RAD51B: variants seen among roughly 807,000 people sequenced by gnomAD.
RAD51B encodes DNA repair protein RAD51 homolog 2.
In RAD51B, 38 loss-of-function variants were observed where a neutral mutation model predicts 42.2. The observed-to-expected ratio is 0.90, with a 90% CI of 0.70 to 1.18. RAD51B has a LOEUF of 1.18. Among genes scored for constraint, RAD51B ranks in the 50% most tolerant of loss-of-function variants. RAD51B has a pLI of 0.00. For missense variants in RAD51B, 373 were observed against 400.7 expected, an observed-to-expected ratio of 0.93 and a Z score of 0.59; for synonymous variants, 154 against 145.2, an observed-to-expected ratio of 1.06 and a Z score of -0.43.
intron 7 of RAD51B, among the ~76,000 whole-genome samples, chr14:67,927,565 A>T (rs1246029322): frequency 1.3e-5 from 2 of 152,056 alleles, no homozygotes; most frequent in Non-Finnish European, 2.9e-5. Context: ...TTTAGCTCCC[A>T]CATGTGAATG....
intron 7 of RAD51B, among the ~76,000 whole-genome samples, chr14:67,965,227 A>G (rs2074747182): frequency 6.6e-6 from 1 of 152,162 alleles, no homozygotes; most frequent in African/African-American, 2.4e-5. Context: ...TCTCAGCTGG[A>G]AACCTCACAT....
In RAD51B at chr14:67,933,927, T is replaced by C. The variant is rs1444190511; in HGVS notation, c.756+46723T>C. Among the ~76,000 whole-genome samples the C allele has an allele frequency of 3.9e-5, 6 of 152,342 alleles. No homozygotes were observed. In the South Asian group the frequency reaches 1.2e-3, roughly 32 times the overall value. ...GCCTATACCTTTAATTCTACCAGAATTGAAGTAACAAATTTGTCTACTTTA... is the reference window on the plus strand; with the variant it reads ...GCCTATACCTTTAATTCTACCAGAACTGAAGTAACAAATTTGTCTACTTTA... On this transcript the variant is annotated intron_variant, in intron 7 of 10. Transcript: ENST00000471583.
chr14:68,374,942 T>C (rs182380136), intron 8 of RAD51B, among the ~76,000 whole-genome samples: 1 of 151,744 alleles, frequency 6.6e-6, no homozygotes, highest in East Asian at 1.9e-4. Flanking sequence ...CCGTATCTGA[T>C]GAGCCTCGGC....
intron 10 of RAD51B, among the ~76,000 whole-genome samples, chr14:68,632,070 A>G (rs1227570462): frequency 6.6e-6 from 1 of 152,234 alleles, no homozygotes; most frequent in Non-Finnish European, 1.5e-5. Flanking sequence ...TGCGCCAGGC[A>G]TGACCTAGCA....
intron 9 of RAD51B, among the ~76,000 whole-genome samples, chr14:68,455,825 C>T (rs946544805): frequency 6.6e-6 from 1 of 151,844 alleles, no homozygotes; most frequent in Non-Finnish European, 1.5e-5. Context: ...AAGTCTTTTC[C>T]TCTCCCATCT....
intron 5 of RAD51B, among the ~76,000 whole-genome samples, chr14:67,883,103 C>T (rs1427646317): frequency 1.3e-5 from 2 of 152,190 alleles, no homozygotes; most frequent in Non-Finnish European, 2.9e-5. Context: ...CTTCTCATCA[C>T]TTGACCTGTT....
At chr14:68,613,879 G>A (rs1891771395), downstream of RAD51B, among the ~76,000 whole-genome samples, 1 of 152,210 alleles carries the variant, frequency 6.6e-6, no homozygotes, top group South Asian at 2.1e-4. Context: ...GATTTTTGGA[G>A]TCAGAGAGGT....
At chr14:68,322,251 T>C (rs1956528) in intron 8 of RAD51B, among the ~76,000 whole-genome samples, 80,014 of 152,058 alleles carry the variant, frequency 0.53, 22,782 homozygotes, top group South Asian at 0.65. Context: ...TAAATCTGAC[T>C]GGCAGTTTGA....
At chr14:67,875,375 G>A (rs551343863) in intron 5 of RAD51B, among the ~76,000 whole-genome samples, 3 of 152,268 alleles carry the variant, frequency 2.0e-5, no homozygotes, top group South Asian at 2.1e-4. Flanking sequence ...AGGGTGCCAA[G>A]TTCCCCACAG....
In RAD51B at chr14:67,990,460, C is replaced by T. The variant is rs200487473; in HGVS notation, c.756+103256C>T. ...CTTTGTTTCTTTTTGCCATACAACCCGTTCCTTACTTTGTAGGGAGGACTT... is the reference window on the plus strand; with the variant it reads ...CTTTGTTTCTTTTTGCCATACAACCTGTTCCTTACTTTGTAGGGAGGACTT... On this transcript the variant is annotated intron_variant, in intron 7 of 10. Transcript: ENST00000471583. 1.5e-4 allele frequency among the ~76,000 whole-genome samples: 23 copies of T among 152,246 alleles called. No individual in the cohort carries two copies. The East Asian group carries it at 2.3e-3, about 15-fold the overall frequency.
chr14:67,987,191 A>G (rs371580603), intron 7 of RAD51B, among the ~76,000 whole-genome samples: 1 of 152,226 alleles, frequency 6.6e-6, no homozygotes, highest in East Asian at 1.9e-4. Context: ...TACAAACAAT[A>G]CAATTACAAT....
chr14:68,232,369 A>G (rs1017230600), intron 7 of RAD51B, among the ~76,000 whole-genome samples: 2 of 128,162 alleles, frequency 1.6e-5, no homozygotes, highest in Non-Finnish European at 3.8e-5. Context: ...GGCAAAAAGA[A>G]AAAAAAAGAA....
intron 7 of RAD51B, among the ~76,000 whole-genome samples, chr14:68,091,268 A>AACC (rs1397526918): frequency 6.6e-6 from 1 of 152,176 alleles, no homozygotes; most frequent in Non-Finnish European, 1.5e-5. Flanking sequence ...ATCCCTGAGG[A>AACC]ACCACCACAC....
intron 9 of RAD51B, among the ~76,000 whole-genome samples, chr14:68,455,562 A>T (rs928251674): frequency 6.6e-6 from 1 of 150,870 alleles, no homozygotes; most frequent in Non-Finnish European, 1.5e-5. Context: ...CTAAAAATAC[A>T]AAAAAAAATT....
intron 4 of RAD51B, among the ~76,000 whole-genome samples, chr14:67,855,672 TG>T (rs2041972712): frequency 6.6e-6 from 1 of 152,212 alleles, no homozygotes; most frequent in Non-Finnish European, 1.5e-5. Flanking sequence ...AACAGTTAAG[TG>T]TAAGACATAG....
At chr14:68,368,482 T>G (rs1476946833) in intron 8 of RAD51B, among the ~76,000 whole-genome samples, 1 of 152,246 alleles carries the variant, frequency 6.6e-6, no homozygotes, top group Non-Finnish European at 1.5e-5. Flanking sequence ...TATGTTTCAT[T>G]CTTTCTGCAC....
intron 7 of RAD51B, among the ~76,000 whole-genome samples, chr14:68,249,683 A>G (rs2080578167): frequency 6.6e-6 from 1 of 152,216 alleles, no homozygotes; most frequent in African/African-American, 2.4e-5. Context: ...TTTAGTGTTT[A>G]GCTGGAGGTC....
intron 9 of RAD51B, among the ~76,000 whole-genome samples, chr14:68,416,676 T>C (rs1043790654): frequency 6.6e-6 from 1 of 152,250 alleles, no homozygotes; most frequent in African/African-American, 2.4e-5. Context: ...TATAAGCAGA[T>C]ACTTAAATAG....
At chr14:68,424,836 A>G (rs1179667615) in intron 9 of RAD51B, among the ~76,000 whole-genome samples, 2 of 151,824 alleles carry the variant, frequency 1.3e-5, no homozygotes, top group Non-Finnish European at 2.9e-5. Context: ...ATACAGTGGC[A>G]TGATCATAAC....
Sources: allele counts gnomAD v4.1 joint callset (sites outside exome capture counted in the v4.1 genomes callset), GRCh38; gene constraint gnomAD v4.1.1; transcripts MANE v1.5; gene names NCBI Gene and HGNC (gene_info 2026-07-23, HGNC 2026-07-21).